Variants in CNTNAP4 observed in about 807,000 individuals in gnomAD.
CNTNAP4 encodes contactin associated protein family member 4.
CNTNAP4 carries 98 observed loss-of-function variants against 148.4 expected under a neutral mutation model. That is an observed-to-expected ratio of 0.66 (90% CI 0.56 to 0.78). The LOEUF is 0.78. Ranked by LOEUF, CNTNAP4 falls within the 30% of genes least tolerant of loss-of-function variation. CNTNAP4 has a pLI of 0.00. For missense variants in CNTNAP4, 1,935 were observed against 1,565.6 expected (o/e 1.24, Z -3.98); for synonymous variants, 730 against 565.1 (o/e 1.29, Z -4.14).
chr16:76,380,940 A>G (rs554974900), intron 3 of CNTNAP4, among the ~76,000 whole-genome samples: 7 of 152,288 alleles, frequency 4.6e-5, no homozygotes, highest in African/African-American at 1.2e-4. Context: ...TTAGTTGTCT[A>G]TCATCTTAGG....
chr16:76,493,513 C>T (rs568617262), intron 13 of CNTNAP4, among the ~76,000 whole-genome samples: 18 of 151,574 alleles, frequency 1.2e-4, no homozygotes, highest in Non-Finnish European at 2.6e-4. Flanking sequence ...TTGGATTGAA[C>T]CACAGTCTAT....
intron 3 of CNTNAP4, among the ~76,000 whole-genome samples, chr16:76,395,038 T>C (rs951814697): frequency 2.0e-5 from 3 of 152,154 alleles, no homozygotes; most frequent in African/African-American, 4.8e-5. Context: ...CATTCCTCTT[T>C]TTCAGACAAA....
intron 14 of CNTNAP4, among the ~76,000 whole-genome samples, chr16:76,495,675 G>C (rs1039178293): frequency 7.2e-5 from 11 of 152,064 alleles, no homozygotes; most frequent in Admixed American, 1.3e-4. Context: ...TTTGAGACTA[G>C]AGTTGGCATG....
intron 3 of CNTNAP4, among the ~76,000 whole-genome samples, chr16:76,393,424 T>C (rs2078094127): frequency 6.6e-6 from 1 of 152,208 alleles, no homozygotes; most frequent in Non-Finnish European, 1.5e-5. Flanking sequence ...AAGACTATCA[T>C]TTTGGAATTT....
intron 3 of CNTNAP4, among the ~76,000 whole-genome samples, chr16:76,427,010 C>T (rs117391201): frequency 6.6e-6 from 1 of 152,168 alleles, no homozygotes; most frequent in Non-Finnish European, 1.5e-5. Context: ...GTGAAAGAAC[C>T]AAAAGACATC....
intron 3 of CNTNAP4, among the ~76,000 whole-genome samples, chr16:76,380,190 C>T (rs532631027): frequency 1.1e-4 from 17 of 152,208 alleles, no homozygotes; most frequent in African/African-American, 4.1e-4. Flanking sequence ...AAAGTTATTT[C>T]ATTTTGAATA....
At chr16:76,543,380 A>G (rs1447983533) in intron 21 of CNTNAP4, among the ~76,000 whole-genome samples, 1 of 152,236 alleles carries the variant, frequency 6.6e-6, no homozygotes, top group African/African-American at 2.4e-5. Context: ...AAGAGTTATT[A>G]ATATTTCAAA....
intron 12 of CNTNAP4, among the ~76,000 whole-genome samples, chr16:76,484,581 G>C (rs770967747): frequency 6.6e-6 from 1 of 152,086 alleles, no homozygotes; most frequent in African/African-American, 2.4e-5. Context: ...AGCCAAGAAT[G>C]GGGGAGGTTA....
chr16:76,310,143 T>C (rs1960943382), intron 1 of CNTNAP4, among the ~76,000 whole-genome samples: 1 of 152,128 alleles, frequency 6.6e-6, no homozygotes, highest in Non-Finnish European at 1.5e-5. Flanking sequence ...TTGCCATTTG[T>C]GTATTCAGTC....
intron 14 of CNTNAP4, 76 bp downstream of exon 14, chr16:76,495,142 G>A: frequency 6.8e-7 from 1 of 1,472,344 alleles, no homozygotes; most frequent in South Asian, 1.2e-5. Flanking sequence ...TGTATAGCTA[G>A]CCAGATACTG....
chr16:76,315,610 T>G lies in CNTNAP4; in HGVS notation c.86-803T>G, dbSNP rs145612699. On this transcript the variant is annotated intron_variant, in intron 1 of 23. Coordinates refer to ENST00000611870, the MANE Select transcript of CNTNAP4 (RefSeq NM_033401.5). ...AGGATCTGTGCTGTGAAGTCTGTTT[T>G]TTGAGACAGCGTCTTACTCCGTCAC... 9.9e-4 allele frequency among the ~76,000 whole-genome samples: 150 copies of G among 152,068 alleles called. No individual in the cohort carries two copies. The East Asian group carries it at 0.013, about 14-fold the overall frequency.
At chr16:76,426,526 T>G (rs999778586) in intron 3 of CNTNAP4, among the ~76,000 whole-genome samples, 1 of 152,196 alleles carries the variant, frequency 6.6e-6, no homozygotes, top group Non-Finnish European at 1.5e-5. Context: ...TTCTGCTTCA[T>G]GCTGACTTCT....
intron 1 of CNTNAP4, among the ~76,000 whole-genome samples, chr16:76,290,948 T>C (rs1959089505): frequency 6.6e-6 from 1 of 152,180 alleles, no homozygotes; most frequent in Admixed American, 6.5e-5. Flanking sequence ...ATGTGGCCTT[T>C]CCTTTGTGCA....
intron 1 of CNTNAP4, among the ~76,000 whole-genome samples, chr16:76,315,417 G>C (rs1961610290): frequency 6.6e-6 from 1 of 152,164 alleles, no homozygotes; most frequent in Non-Finnish European, 1.5e-5. Context: ...TACGTCTAAT[G>C]ACAAGTTGTT....
chr16:76,425,279 G>A (rs967718499), intron 3 of CNTNAP4, among the ~76,000 whole-genome samples: 1 of 152,146 alleles, frequency 6.6e-6, no homozygotes, highest in African/African-American at 2.4e-5. Context: ...CCTGCCATGG[G>A]TTGATACATT....
At chr16:76,545,221 T>G (rs8055168) in intron 21 of CNTNAP4, among the ~76,000 whole-genome samples, 38,343 of 152,126 alleles carry the variant, frequency 0.25, 5,011 homozygotes, top group African/African-American at 0.3. Flanking sequence ...TGTCATAGAC[T>G]GTCTTCAGTG....
chr16:76,396,790 T>C (rs1452589492), intron 3 of CNTNAP4, among the ~76,000 whole-genome samples: 1 of 152,140 alleles, frequency 6.6e-6, no homozygotes, highest in Non-Finnish European at 1.5e-5. Context: ...CCTGCAAAGA[T>C]AGGAGGCATC....
intron 23 of CNTNAP4, 82 bp from the exon 24 acceptor site, chr16:76,558,408 A>C (rs1432537954): frequency 2.7e-6 from 2 of 747,408 alleles, no homozygotes; most frequent in South Asian, 2.0e-5. Context: ...AAATAGTGTT[A>C]TGATGACTTA....
At chr16:76,430,514 C>T (rs762072659) in intron 4 of CNTNAP4, among the ~76,000 whole-genome samples, 6 of 152,134 alleles carry the variant, frequency 3.9e-5, no homozygotes, top group Non-Finnish European at 8.8e-5. Context: ...AAAGACTGTT[C>T]TCCCGAAATC....
Sources: allele counts gnomAD v4.1 joint callset (sites outside exome capture counted in the v4.1 genomes callset), GRCh38; gene constraint gnomAD v4.1.1; transcripts MANE v1.5; gene names NCBI Gene and HGNC (gene_info 2026-07-23, HGNC 2026-07-21).